Variants in GPHN observed in about 807,000 individuals in gnomAD.
GPHN encodes gephyrin.
Under a neutral mutation model 95.5 loss-of-function variants are expected in GPHN, and 17 were observed. The observed-to-expected ratio is 0.18, with a 90% CI of 0.12 to 0.27. The LOEUF is 0.27. Among genes scored for constraint, GPHN ranks in the 10% least tolerant of loss-of-function variants. The pLI is 1.00. For missense variants in GPHN, 660 were observed against 978.1 expected, an observed-to-expected ratio of 0.67 and a Z score of 4.34; for synonymous variants, 320 against 322.5, an observed-to-expected ratio of 0.99 and a Z score of 0.08.
rs562524716 is a variant in GPHN, at chr14:66,679,099, C to T, written c.65-2008C>T. The stretch of plus-strand genomic sequence containing the variant: ...CACTAGGTGGGCCAGCCCTCAGGCC[C>T]GAAGTCTCCCTGTTTACACATTGAC... On this transcript the variant is annotated intron_variant, in intron 1 of 22. Transcript: ENST00000478722. Among the ~76,000 whole-genome samples, 59 of 152,302 alleles carry T rather than the reference C, an allele frequency of 3.9e-4. 1 individual carries two copies. Among genetic ancestry groups the T allele is most frequent in the Admixed American group, 1.2e-3 (18 of 15,302 alleles).
intron 5 of GPHN, among the ~76,000 whole-genome samples, chr14:66,886,380 C>G (rs2064189401): frequency 6.6e-6 from 1 of 152,088 alleles, no homozygotes; most frequent in African/African-American, 2.4e-5. Flanking sequence ...CTAGAAAATA[C>G]TTTTCCCCCA....
chr14:67,684,958 C>A, the GPHN span: 2 of 1,465,910 alleles, frequency 1.4e-6, no homozygotes, highest in South Asian at 1.3e-5. Flanking sequence ...CCAGACAAAC[C>A]CAAATTATCT....
At chr14:67,294,548 C>T in the GPHN span, 1 of 151,850 alleles carries the variant, frequency 6.6e-6, no homozygotes, top group African/African-American at 2.4e-5. Flanking sequence ...CTTAAAATAT[C>T]AGTTAAACAT....
chr14:67,050,956 G>T lies in GPHN; in HGVS notation c.1007-7693G>T, dbSNP rs537956918. Among the ~76,000 whole-genome samples, 3 of 152,338 alleles carry T rather than the reference G, an allele frequency of 2.0e-5. No individual in the cohort carries two copies. The South Asian group carries it at 6.2e-4, about 32-fold the overall frequency. ...CCTGGGGAACCATGCTTTTTCCATG[G>T]ATCTGTGCAACCCACAGATCAGGAG... On this transcript the variant is annotated intron_variant, in intron 10 of 22. Transcript: ENST00000478722.
At chr14:67,287,335 A>G in the GPHN span, among the ~76,000 whole-genome samples, 1 of 152,072 alleles carries the variant, frequency 6.6e-6, no homozygotes, top group Admixed American at 6.6e-5. Context: ...ATATTGGATT[A>G]AAAGCCATTG....
intron 21 of GPHN, among the ~76,000 whole-genome samples, chr14:67,169,804 C>G (rs1019577077): frequency 6.6e-6 from 1 of 152,216 alleles, no homozygotes; most frequent in East Asian, 1.9e-4. Flanking sequence ...AGGCCAGGCT[C>G]AATGGCTGGC....
the GPHN span, among the ~76,000 whole-genome samples, chr14:67,604,993 C>G: frequency 2.6e-5 from 4 of 152,156 alleles, no homozygotes; most frequent in Admixed American, 1.3e-4. Context: ...CTAATAGCAA[C>G]CTGTCTCAAT....
the GPHN span, among the ~76,000 whole-genome samples, chr14:67,276,780 G>C: frequency 2.0e-3 from 301 of 152,260 alleles, 3 homozygotes; most frequent in African/African-American, 6.9e-3. Context: ...AGATATACAA[G>C]TATGATAGTA....
the GPHN span, chr14:67,613,113 T>C: frequency 6.6e-6 from 1 of 152,030 alleles, no homozygotes; most frequent in African/African-American, 2.4e-5. Context: ...ATTCAAAAGA[T>C]TGCTCTGAGC....
At chr14:66,861,235 A>G (rs951851829) in intron 4 of GPHN, among the ~76,000 whole-genome samples, 2 of 152,110 alleles carry the variant, frequency 1.3e-5, no homozygotes, top group African/African-American at 4.8e-5. Context: ...AGGAGTAGCT[A>G]AGGCAAAATA....
chr14:67,487,688 C>T, the GPHN span, among the ~76,000 whole-genome samples: 19 of 152,164 alleles, frequency 1.2e-4, no homozygotes, highest in African/African-American at 4.3e-4. Flanking sequence ...TTATTCATCT[C>T]ATTTTATTAT....
intron 1 of GPHN, among the ~76,000 whole-genome samples, chr14:66,608,040 GTT>G (rs551854379): frequency 4.2e-5 from 5 of 117,724 alleles, no homozygotes; most frequent in African/African-American, 9.0e-5. Context: ...TAGCTTTGTG[GTT>G]TTTTTTTTTT....
intron 2 of GPHN, among the ~76,000 whole-genome samples, chr14:66,707,434 T>C (rs28820937): frequency 0.33 from 49,897 of 151,964 alleles, 12,019 homozygotes; most frequent in African/African-American, 0.66. Flanking sequence ...CAGTGATAGA[T>C]TGGATAAAGA....
intron 1 of GPHN, among the ~76,000 whole-genome samples, chr14:66,591,593 T>A (rs1377726929): frequency 2.0e-5 from 3 of 152,116 alleles, no homozygotes; most frequent in Non-Finnish European, 4.4e-5. Context: ...GAATACAACT[T>A]ACAAGGGATG....
chr14:67,574,032 C>T, the GPHN span: 1 of 712,732 alleles, frequency 1.4e-6, no homozygotes, highest in African/African-American at 1.8e-5. The surrounding 1 kb of genome is among the most constrained non-coding windows in gnomAD (Gnocchi z 4.2). Context: ...CTTGTGAGTA[C>T]AAGAAAGGAA....
intron 2 of GPHN, among the ~76,000 whole-genome samples, chr14:66,747,462 G>T (rs2153445589): frequency 6.6e-6 from 1 of 152,170 alleles, no homozygotes; most frequent in African/African-American, 2.4e-5. Flanking sequence ...CTATAAATTA[G>T]ATGTTAATTC....
the GPHN span, among the ~76,000 whole-genome samples, chr14:67,388,457 T>C: frequency 2.2e-4 from 34 of 152,328 alleles, no homozygotes; most frequent in Admixed American, 7.2e-4. Context: ...CAAAGCTGCA[T>C]GCATCAGTAA....
chr14:67,193,954 C>CAAAAAAAACACAAA, the GPHN span, among the ~76,000 whole-genome samples: 4 of 85,750 alleles, frequency 4.7e-5, no homozygotes, highest in East Asian at 1.3e-3. Flanking sequence ...CAAAAAAAAA[C>CAAAAAAAACACAAA]AAAAAAAAAA....
intron 1 of GPHN, among the ~76,000 whole-genome samples, chr14:66,618,440 G>T (rs377010177): frequency 1.3e-5 from 2 of 152,076 alleles, no homozygotes; most frequent in Non-Finnish European, 2.9e-5. Flanking sequence ...TATTGAAAAG[G>T]TTATATAGTT....
Sources: allele counts gnomAD v4.1 joint callset (sites outside exome capture counted in the v4.1 genomes callset), GRCh38; gene constraint gnomAD v4.1.1; non-coding constraint Gnocchi (gnomAD v3.1); transcripts MANE v1.5; gene names NCBI Gene and HGNC (gene_info 2026-07-23, HGNC 2026-07-21).